NCAN: variants seen among roughly 807,000 people sequenced by gnomAD.
NCAN encodes the protein neurocan, also known as neurocan core protein.
Under a neutral mutation model 121.8 loss-of-function variants are expected in NCAN, and 47 were observed. The ratio of observed to expected loss-of-function variants is 0.39; its 90% confidence interval spans 0.31 to 0.49. The LOEUF is 0.49. NCAN is among the 20% of genes least tolerant of loss of function. NCAN has a pLI of 0.92. For missense variants in NCAN, 1,517 were observed against 1,773.4 expected (o/e 0.86, Z 2.60); for synonymous variants, 633 against 702.0 (o/e 0.90, Z 1.55).
Position 19,228,180 on chromosome 19 carries a change from G to A in NCAN, c.2560G>A (p.Ala854Thr). ...ACCTGGATCCCAGGTGTTTGAAGAAGCCGAAAGCACCACCTTGAGCCCTCA... is the reference window on the plus strand; with the variant it reads ...ACCTGGATCCCAGGTGTTTGAAGAAACCGAAAGCACCACCTTGAGCCCTCA... ...WEPGSQVFEE[A>T]ESTTLSPQVA... is the part of the protein sequence containing the mutation. The change falls in exon 8 of 15, where the codon GCC (alanine) becomes ACC (threonine). Residue 854 changes from alanine (A) to threonine (T), a missense_variant. Physicochemically the swap from Ala to Thr is moderately conservative, Grantham distance 58 (BLOSUM62 0). Transcript: ENST00000252575. 6.2e-7 allele frequency: 1 copy of A among 1,613,898 alleles called. No homozygotes were observed. Among genetic ancestry groups the A allele is most frequent in the Non-Finnish European group, 8.5e-7 (1 of 1,180,028 alleles).
chr19:19,239,595 C>A (rs542965989), intron 11 of NCAN, among the ~76,000 whole-genome samples: 38 of 100,926 alleles, frequency 3.8e-4, no homozygotes, highest in Non-Finnish European at 2.1e-5. Flanking sequence ...CTCTCCTCCT[C>A]CCATTCCTCC....
At chr19:19,221,736 A>G (rs1394647581) in intron 3 of NCAN, among the ~76,000 whole-genome samples, 1 of 151,968 alleles carries the variant, frequency 6.6e-6, no homozygotes, top group Non-Finnish European at 1.5e-5. Flanking sequence ...ATTTTTAAAA[A>G]AATATTAGCA....
intron 3 of NCAN, among the ~76,000 whole-genome samples, chr19:19,220,056 G>A (rs2060810860): frequency 6.6e-6 from 1 of 151,954 alleles, no homozygotes; most frequent in Non-Finnish European, 1.5e-5. Context: ...TATCAGTATG[G>A]GTACTATCTT....
intron 1 of NCAN, among the ~76,000 whole-genome samples, chr19:19,213,770 C>T (rs889531583): frequency 6.6e-6 from 1 of 151,944 alleles, no homozygotes; most frequent in African/African-American, 2.4e-5. Context: ...AGAGTTGGGG[C>T]GCTAACAGGG....
In NCAN at chr19:19,224,246, A is replaced by C. The variant is rs1270909606; in HGVS notation, c.650+51A>C. ...GATGAAGACTAGCTCATGGGGAAGG[A>C]GGTTCCTTGGGGGCTCCAGGAGCAC... On this transcript the variant is annotated intron_variant, in intron 4 of 14. Transcript: ENST00000252575. 7 of 1,593,380 alleles carry C rather than the reference A, an allele frequency of 4.4e-6. No homozygotes were observed. The African/African-American group carries it at 6.7e-5, about 15-fold the overall frequency.
chr19:19,250,838 C>G lies in NCAN; in HGVS notation c.*927C>G, dbSNP rs2060943844. 6.3e-6 allele frequency: 1 copy of G among 157,824 alleles called. No individual in the cohort carries two copies. The highest frequency in any genetic ancestry group is 1.9e-4 in the South Asian group (1 of 5,160). The allele number at this position is 157,824 out of a possible 1,614,324, so 9.8% of individuals were successfully genotyped here. On this transcript the variant is annotated 3_prime_UTR_variant, in exon 15 of 15. Transcript: ENST00000252575. ...CATTGGTAGTGCCCCTGCCCTGGGTCCCACTCCTGCCCCACCCCACCCTTG... is the reference window on the plus strand; with the variant it reads ...CATTGGTAGTGCCCCTGCCCTGGGTGCCACTCCTGCCCCACCCCACCCTTG...
chr19:19,237,911 C>T (rs1412373147), intron 10 of NCAN, among the ~76,000 whole-genome samples: 7 of 152,068 alleles, frequency 4.6e-5, no homozygotes, highest in East Asian at 3.9e-4. Flanking sequence ...GGCGTGGTGG[C>T]GCACGCCTGT....
In NCAN at chr19:19,225,128, C is replaced by G. The variant is rs2060830685; in HGVS notation, c.930C>G (p.Ala310=). 1 of 1,530,774 alleles carries G rather than the reference C, an allele frequency of 6.5e-7. No homozygotes were observed. 94.8% of individuals were successfully genotyped at this position (1,530,774 alleles called of 1,614,324 possible). A position where few individuals can be genotyped will look rare whatever the true frequency, so the allele number is the denominator to read the frequency against. The change falls in exon 6 of 15, where the codon GCC becomes GCG. Residue 310 remains alanine (A), a synonymous_variant. Transcript: ENST00000252575. This position sits in a 1 kb window ranked among gnomAD's most constrained non-coding sequence, Gnocchi z 4.0. Reference sequence around the variant, plus strand: ...ACCAGTGCGACCCGGGCTGGCTGGCCGACGGCAGCGTGCGCTACCCGATCC... The same window carrying G: ...ACCAGTGCGACCCGGGCTGGCTGGCGGACGGCAGCGTGCGCTACCCGATCC... The part of the protein sequence containing the change: ...GLDQCDPGWL[A]DGSVRYPIQT...
At chr19:19,230,885 G>C (rs1178724485) in intron 8 of NCAN, among the ~76,000 whole-genome samples, 2 of 104,560 alleles carry the variant, frequency 1.9e-5, no homozygotes, top group Non-Finnish European at 4.2e-5. Flanking sequence ...ACACCCGGCT[G>C]TGTGTGTGTG....
intron 10 of NCAN, among the ~76,000 whole-genome samples, chr19:19,235,841 G>A (rs2060879321): frequency 6.6e-6 from 1 of 152,048 alleles, no homozygotes; most frequent in African/African-American, 2.4e-5. Context: ...GACCTCCCAA[G>A]CTCAAGTGAT....
intron 1 of NCAN, among the ~76,000 whole-genome samples, chr19:19,213,034 C>A (rs1268313858): frequency 6.6e-6 from 1 of 152,134 alleles, no homozygotes; most frequent in African/African-American, 2.4e-5. Flanking sequence ...CAGGAGAGAC[C>A]CCCATCCCTA....
chr19:19,232,727 G>A (rs2060865170), intron 8 of NCAN: 1 of 152,162 alleles, frequency 6.6e-6, no homozygotes, highest in Non-Finnish European at 1.5e-5. Context: ...GAGGGACGAC[G>A]TTTTTACTTT....
intron 11 of NCAN, 44 bp downstream of exon 11, chr19:19,238,455 G>C (rs1427879456): frequency 6.2e-7 from 1 of 1,612,196 alleles, no homozygotes; most frequent in Admixed American, 1.7e-5. Flanking sequence ...AGGGTGGGCA[G>C]GGGTGGCACT....
chr19:19,241,751 C>T (rs560946391), intron 12 of NCAN, among the ~76,000 whole-genome samples: 2 of 151,904 alleles, frequency 1.3e-5, no homozygotes, highest in African/African-American at 4.8e-5. Context: ...GATACATACC[C>T]AGAAGAATTG....
chr19:19,238,319 G>A lies in NCAN; in HGVS notation c.3317G>A (p.Arg1106Gln), dbSNP rs768377529. 1.4e-5 allele frequency: 22 copies of A among 1,614,084 alleles called. No individual in the cohort carries two copies. The highest frequency in any genetic ancestry group is 1.1e-5 in the South Asian group (1 of 91,096). ...QGHCYRYFAH[R>Q]RAWEDAEKDC... Reference sequence around the variant, plus strand: ...CACTGTTACCGCTATTTTGCCCACCGGAGGGCATGGGAAGATGCCGAGAAG... The same window carrying A: ...CACTGTTACCGCTATTTTGCCCACCAGAGGGCATGGGAAGATGCCGAGAAG... Residue 1106 changes from arginine to glutamine, a missense_variant, in exon 11 of 15, where the codon CGG becomes CAG. Arg to Gln is a conservative substitution (Grantham distance 43, BLOSUM62 1). Transcript: ENST00000252575.
At chr19:19,223,851 G>T (rs976939624) in intron 3 of NCAN, among the ~76,000 whole-genome samples, 170 bp from the exon 4 acceptor site, 1 of 152,146 alleles carries the variant, frequency 6.6e-6, no homozygotes, top group African/African-American at 2.4e-5. Context: ...TTCCTCATCT[G>T]TAAAATGGGG....
At chr19:19,241,092 C>T (rs1321247255) in intron 12 of NCAN, among the ~76,000 whole-genome samples, 2 of 151,812 alleles carry the variant, frequency 1.3e-5, no homozygotes, top group Admixed American at 6.6e-5. Context: ...CCCGTCTCTA[C>T]TAAAAATATA....
Position 19,227,145 on chromosome 19 carries a change from C to T in NCAN, c.1660+72C>T. On this transcript the variant is annotated intron_variant, in intron 7 of 14. Coordinates refer to ENST00000252575, the MANE Select transcript of NCAN (RefSeq NM_004386.3). This position sits in a 1 kb window ranked among gnomAD's most constrained non-coding sequence, Gnocchi z 4.2. Reference sequence around the variant, plus strand: ...GAGGGTAGAGAGGTAGCCATGGCTACACTCAGAATGAGGGAGGAAGCTCCA... The same window carrying T: ...GAGGGTAGAGAGGTAGCCATGGCTATACTCAGAATGAGGGAGGAAGCTCCA... 1 of 1,491,622 alleles carries T rather than the reference C, an allele frequency of 6.7e-7. No homozygotes were observed. The highest frequency in any genetic ancestry group is 8.9e-7 in the Non-Finnish European group (1 of 1,121,938). 92.4% of individuals were successfully genotyped at this position (1,491,622 alleles called of 1,614,324 possible).
At chr19:19,248,227 C>T (rs913579865) in intron 13 of NCAN, among the ~76,000 whole-genome samples, 1 of 152,010 alleles carries the variant, frequency 6.6e-6, no homozygotes, top group Non-Finnish European at 1.5e-5. Context: ...GGCAGCTCAT[C>T]TGAGGTCAGG....
Sources: allele counts gnomAD v4.1 joint callset (sites outside exome capture counted in the v4.1 genomes callset), GRCh38; gene constraint gnomAD v4.1.1; non-coding constraint Gnocchi (gnomAD v3.1); transcripts MANE v1.5; gene names NCBI Gene and HGNC (gene_info 2026-07-23, HGNC 2026-07-21).